IL34: variants seen among roughly 807,000 people sequenced by gnomAD.
IL34 encodes interleukin-34.
Under a neutral mutation model 25.3 loss-of-function variants are expected in IL34, and 17 were observed. The observed-to-expected ratio is 0.67, with a 90% CI of 0.46 to 1.01. IL34 has a LOEUF of 1.01. IL34 is among the 50% of genes least tolerant of loss of function. The pLI is 0.00. For synonymous variants in IL34, 174 were observed against 140.9 expected (o/e 1.23, Z -1.66); for missense variants, 368 against 312.9 (o/e 1.18, Z -1.33).
In IL34 at chr16:70,657,121, G is replaced by C. The variant is rs371553529; in HGVS notation, c.402G>C (p.Thr134=). ...TLLLNVQQGL[T]DVEVSPKVES... The stretch of plus-strand genomic sequence containing the variant: ...TGCTGAATGTCCAGCAGGGCCTCAC[G>C]GTGAGTTGTGTGGAGGAGTGGCAGG... Residue 134 remains threonine, a splice_region_variant and synonymous_variant, in exon 4 of 6, where the codon ACG becomes ACC. Coordinates refer to ENST00000288098, the MANE Select transcript of IL34 (RefSeq NM_001393494.1). 1.9e-6 allele frequency: 3 copies of C among 1,612,154 alleles called. No homozygotes were observed. Among genetic ancestry groups the C allele is most frequent in the Non-Finnish European group, 2.5e-6 (3 of 1,179,514 alleles).
At chr16:70,616,818 A>G (rs1001055686) in intron 1 of IL34, among the ~76,000 whole-genome samples, 1 of 152,048 alleles carries the variant, frequency 6.6e-6, no homozygotes, top group African/African-American at 2.4e-5. Flanking sequence ...GGCTATTTTT[A>G]CTTCTTTTGT....
At chr16:70,634,107 T>C (rs866426000) in intron 1 of IL34, among the ~76,000 whole-genome samples, 1 of 152,000 alleles carries the variant, frequency 6.6e-6, no homozygotes, top group East Asian at 1.9e-4. Context: ...CGCCTCGGCC[T>C]CCCAAAATGC....
In IL34 at chr16:70,656,518, T is replaced by TA. The variant is rs987933059; in HGVS notation, c.163-76dup. The TA allele has an allele frequency of 4.5e-4, 373 of 833,494 alleles. 1 individual carries two copies. Among genetic ancestry groups the TA allele is most frequent in the Middle Eastern group, 2.0e-3 (9 of 4,548 alleles). 51.6% of individuals were successfully genotyped at this position (833,494 alleles called of 1,614,324 possible). ...TGGGTGACAGAGTGAGACTAACTGT[T>TA]AAAAAAAACATCATTTGGGAGGTTG... On this transcript the variant is annotated intron_variant, in intron 2 of 5. Coordinates refer to ENST00000288098, the MANE Select transcript of IL34 (RefSeq NM_001393494.1).
intron 1 of IL34, among the ~76,000 whole-genome samples, chr16:70,586,584 T>C (rs967357035): frequency 5.9e-5 from 9 of 152,080 alleles, no homozygotes. Context: ...ACAAATGTGT[T>C]ACCACTCAGA....
In IL34 at chr16:70,624,178, C is replaced by T. The variant is rs968538961; in HGVS notation, c.-400-22370C>T. Reference sequence around the variant, plus strand: ...AGTGGGGTCCCACACAGATGGGACGCGGCTTAGGAGGAATCCCGGGCTGCC... The same window carrying T: ...AGTGGGGTCCCACACAGATGGGACGTGGCTTAGGAGGAATCCCGGGCTGCC... On this transcript the variant is annotated intron_variant, in intron 1 of 6. Coordinates refer to the IL34 transcript ENST00000429149. Among the ~76,000 whole-genome samples the T allele has an allele frequency of 4.5e-4, 68 of 151,220 alleles. No individual in the cohort carries two copies. The South Asian group carries it at 5.1e-3, about 11-fold the overall frequency.
intron 1 of IL34, among the ~76,000 whole-genome samples, chr16:70,603,673 G>C (rs1382465629): frequency 6.6e-6 from 1 of 152,108 alleles, no homozygotes; most frequent in Non-Finnish European, 1.5e-5. Flanking sequence ...CCTGGGCTCA[G>C]ATGATGATTC....
At chr16:70,637,441 C>T (rs778429832) in intron 1 of IL34, among the ~76,000 whole-genome samples, 5 of 152,076 alleles carry the variant, frequency 3.3e-5, no homozygotes, top group Admixed American at 6.6e-5. Context: ...CTCTGCCTCT[C>T]GGGTTCAAGT....
intron 4 of IL34, chr16:70,657,367 G>C (rs1416721711): frequency 2.0e-5 from 10 of 489,290 alleles, no homozygotes; most frequent in African/African-American, 3.9e-5. Context: ...CTCTGTTCTA[G>C]GCTCTGCCTC....
chr16:70,627,908 A>G (rs1239889337), intron 1 of IL34, among the ~76,000 whole-genome samples: 2 of 152,336 alleles, frequency 1.3e-5, no homozygotes, highest in East Asian at 1.9e-4. Flanking sequence ...ATTGTAACAC[A>G]TGGCTTTTGG....
intron 1 of IL34, among the ~76,000 whole-genome samples, chr16:70,624,177 G>A (rs571967405): frequency 2.6e-5 from 4 of 152,114 alleles, no homozygotes; most frequent in South Asian, 2.1e-4. Flanking sequence ...CAGATGGGAC[G>A]CGGCTTAGGA....
intron 1 of IL34, among the ~76,000 whole-genome samples, chr16:70,651,762 TAAAAAA>T (rs10713010): frequency 7.0e-6 from 1 of 143,500 alleles, no homozygotes; most frequent in African/African-American, 2.6e-5. Flanking sequence ...ACTGCTTTTG[TAAAAAA>T]AAAAAAAAAG....
At chr16:70,623,602 G>GC (rs889431928) in intron 1 of IL34, among the ~76,000 whole-genome samples, 4 of 152,112 alleles carry the variant, frequency 2.6e-5, no homozygotes, top group African/African-American at 9.6e-5. Flanking sequence ...ATGATCAGTC[G>GC]CCAAGGAGGG....
chr16:70,636,626 CACAA>C lies in IL34; in HGVS notation c.-400-9920_-400-9917del, dbSNP rs1348865767. Among the ~76,000 whole-genome samples, 718 of 125,818 alleles carry C rather than the reference CACAA, an allele frequency of 5.7e-3. 7 individuals carry two copies. The highest frequency in any genetic ancestry group is 0.022 in the African/African-American group (694 of 31,864). 82.5% of individuals were successfully genotyped at this position (125,818 alleles called of 152,430 possible). A position where few individuals can be genotyped will look rare whatever the true frequency, so the allele number is the denominator to read the frequency against. Reference sequence around the variant, plus strand: ...ACACACACACACACACACACACACACACAAAATTAGCTGGGCATGATTGAGTGTA... The same window carrying C: ...ACACACACACACACACACACACACACAATTAGCTGGGCATGATTGAGTGTA... On this transcript the variant is annotated intron_variant, in intron 1 of 6. Coordinates refer to the IL34 transcript ENST00000429149.
chr16:70,651,955 C>A (rs1373491145), intron 1 of IL34, among the ~76,000 whole-genome samples: 3 of 151,710 alleles, frequency 2.0e-5, no homozygotes, highest in Non-Finnish European at 4.4e-5. Flanking sequence ...GAAACCCCGT[C>A]TGTACTAAAA....
intron 1 of IL34, among the ~76,000 whole-genome samples, chr16:70,601,368 A>T (rs2050915155): frequency 6.6e-6 from 1 of 152,042 alleles, no homozygotes; most frequent in Non-Finnish European, 1.5e-5. Context: ...CGGCCTTCCA[A>T]AGTGCTGGGA....
intron 1 of IL34, among the ~76,000 whole-genome samples, chr16:70,592,935 G>A (rs1165289496): frequency 6.6e-6 from 1 of 152,148 alleles, no homozygotes; most frequent in South Asian, 2.1e-4. Context: ...TTACAGGCGT[G>A]AGCCACCGTG....
At chr16:70,628,842 C>A (rs566556696) in intron 1 of IL34, among the ~76,000 whole-genome samples, 1 of 144,982 alleles carries the variant, frequency 6.9e-6, no homozygotes, top group South Asian at 2.3e-4. Context: ...GGCTGAAGTG[C>A]AGTGGCTCAA....
At chr16:70,604,446 C>T (rs1486310852) in intron 1 of IL34, among the ~76,000 whole-genome samples, 1 of 152,172 alleles carries the variant, frequency 6.6e-6, no homozygotes, top group East Asian at 1.9e-4. Context: ...GATTTGCTCT[C>T]TAGGTCCCAA....
intron 1 of IL34, among the ~76,000 whole-genome samples, chr16:70,617,289 A>G (rs2151832867): frequency 6.6e-6 from 1 of 152,352 alleles, no homozygotes. Context: ...GATTCAGTAT[A>G]GTCCTGCCAG....
Sources: allele counts gnomAD v4.1 joint callset (sites outside exome capture counted in the v4.1 genomes callset), GRCh38; gene constraint gnomAD v4.1.1; transcripts MANE v1.5; gene names NCBI Gene and HGNC (gene_info 2026-07-23, HGNC 2026-07-21).